Variants in DGKB observed in about 807,000 individuals in gnomAD.
The protein encoded by DGKB is diacylglycerol kinase beta, also known as 90 kDa diacylglycerol kinase.
In DGKB, 67 loss-of-function variants were observed where a neutral mutation model predicts 114.3. The observed-to-expected ratio is 0.59, with a 90% CI of 0.48 to 0.72. DGKB has a LOEUF of 0.72. DGKB is among the 30% of genes least tolerant of loss of function. The pLI is 0.00. For missense variants in DGKB, 907 were observed against 975.2 expected, an observed-to-expected ratio of 0.93 and a Z score of 0.93; for synonymous variants, 398 against 323.1, an observed-to-expected ratio of 1.23 and a Z score of -2.49.
chr7:14,459,747 C>T (rs778278911), intron 21 of DGKB, among the ~76,000 whole-genome samples: 2 of 152,120 alleles, frequency 1.3e-5, no homozygotes, highest in Non-Finnish European at 2.9e-5. Context: ...ATACGGAGAA[C>T]ACCACAAAGA....
intron 21 of DGKB, among the ~76,000 whole-genome samples, chr7:14,471,945 G>C (rs1297915849): frequency 6.6e-6 from 1 of 152,100 alleles, no homozygotes; most frequent in Non-Finnish European, 1.5e-5. Flanking sequence ...TGACCAGGGG[G>C]CTGAGAACCT....
At chr7:14,674,839 C>T (rs1819579514) in intron 12 of DGKB, among the ~76,000 whole-genome samples, 1 of 152,066 alleles carries the variant, frequency 6.6e-6, no homozygotes, top group Non-Finnish European at 1.5e-5. Context: ...TTCCAGAAAG[C>T]CTTCAGAGGG....
intron 21 of DGKB, among the ~76,000 whole-genome samples, chr7:14,381,864 A>C (rs561823907): frequency 5.3e-5 from 8 of 152,208 alleles, no homozygotes; most frequent in Non-Finnish European, 1.2e-4. Context: ...GATATTTGCT[A>C]CAGTTTCAGT....
intron 21 of DGKB, among the ~76,000 whole-genome samples, chr7:14,347,139 G>T (rs1048085512): frequency 3.3e-5 from 5 of 152,040 alleles, no homozygotes; most frequent in African/African-American, 1.2e-4. Context: ...GTAATGGAGG[G>T]AGTATGCCTG....
intron 20 of DGKB, among the ~76,000 whole-genome samples, chr7:14,544,452 A>G (rs1198015275): frequency 2.0e-5 from 3 of 152,142 alleles, no homozygotes; most frequent in South Asian, 4.1e-4. Flanking sequence ...CAAATAATGA[A>G]AAACCTGTGC....
intron 20 of DGKB, among the ~76,000 whole-genome samples, chr7:14,484,842 T>A (rs1430102941): frequency 1.3e-5 from 2 of 152,120 alleles, no homozygotes; most frequent in East Asian, 3.9e-4. Flanking sequence ...TATCATTATT[T>A]ATACATGATA....
chr7:14,395,340 TTAAAA>T (rs1822051173), intron 21 of DGKB, among the ~76,000 whole-genome samples: 2 of 152,180 alleles, frequency 1.3e-5, no homozygotes, highest in African/African-American at 4.8e-5. Context: ...TTAGAAATAC[TTAAAA>T]TAATCTCTTC....
chr7:14,248,691 AT>A (rs1200615659), intron 23 of DGKB, among the ~76,000 whole-genome samples: 1 of 152,008 alleles, frequency 6.6e-6, no homozygotes, highest in Admixed American at 6.6e-5. Context: ...TTGTGTGTTC[AT>A]TATGTATACT....
chr7:14,629,327 A>G (rs1161036981), intron 14 of DGKB, among the ~76,000 whole-genome samples: 1 of 152,076 alleles, frequency 6.6e-6, no homozygotes, highest in African/African-American at 2.4e-5. Context: ...ATTTAAGTGT[A>G]TGTCCAAGTA....
intron 23 of DGKB, among the ~76,000 whole-genome samples, chr7:14,293,703 T>A (rs1802107157): frequency 6.6e-6 from 1 of 152,160 alleles, no homozygotes; most frequent in Non-Finnish European, 1.5e-5. Context: ...CTAGGTGATA[T>A]CCTCTAGGCA....
intron 7 of DGKB, among the ~76,000 whole-genome samples, chr7:14,699,446 TCG>T (rs1221032768): frequency 6.6e-6 from 1 of 152,216 alleles, no homozygotes; most frequent in Non-Finnish European, 1.5e-5. Context: ...CTCAGTTTTC[TCG>T]TTGGTAAAAT....
intron 21 of DGKB, among the ~76,000 whole-genome samples, chr7:14,424,164 C>A (rs1827151280): frequency 1.3e-5 from 2 of 152,068 alleles, no homozygotes. Context: ...TTCAGTAAAA[C>A]CAAATCATCA....
At chr7:14,944,798 A>T (rs1400132234) in intron 1 of DGKB, among the ~76,000 whole-genome samples, 2 of 130,874 alleles carry the variant, frequency 1.5e-5, no homozygotes, top group Non-Finnish European at 3.1e-5. Context: ...AAATGTCAAT[A>T]ATGCTAAGAC....
intron 2 of DGKB, among the ~76,000 whole-genome samples, chr7:14,799,444 A>G (rs1355154465): frequency 3.3e-5 from 5 of 152,208 alleles, no homozygotes; most frequent in Non-Finnish European, 7.3e-5. Flanking sequence ...ATTAGCAGCT[A>G]CTCTAGATTT....
At chr7:14,939,073 C>G (rs1394988156) in intron 1 of DGKB, among the ~76,000 whole-genome samples, 1 of 151,988 alleles carries the variant, frequency 6.6e-6, no homozygotes, top group East Asian at 1.9e-4. Flanking sequence ...TTTTTCTCTT[C>G]TTAAACTGTT....
chr7:14,871,799 A>C (rs1400109728), intron 1 of DGKB, among the ~76,000 whole-genome samples: 1 of 152,190 alleles, frequency 6.6e-6, no homozygotes, highest in African/African-American at 2.4e-5. Flanking sequence ...ATTGCTATAT[A>C]TGGGGAGGTG....
intron 1 of DGKB, among the ~76,000 whole-genome samples, chr7:14,880,633 G>A (rs1587140193): frequency 6.6e-6 from 1 of 152,272 alleles, no homozygotes; most frequent in Middle Eastern, 3.4e-3. Context: ...AAGACTTTGA[G>A]CAGGGAAGCT....
chr7:14,242,865 TG>T (rs900002754), intron 23 of DGKB, among the ~76,000 whole-genome samples: 12 of 74,206 alleles, frequency 1.6e-4, no homozygotes, highest in Non-Finnish European at 1.8e-4. Flanking sequence ...ATATGAAGGC[TG>T]TTTTTTTTTT....
intron 23 of DGKB, among the ~76,000 whole-genome samples, chr7:14,235,806 G>A (rs567133154): frequency 2.8e-4 from 43 of 152,058 alleles, no homozygotes; most frequent in Admixed American, 2.6e-4. Flanking sequence ...TTGATGTTTA[G>A]CTCCTTGAAA....
Sources: allele counts gnomAD v4.1 joint callset (sites outside exome capture counted in the v4.1 genomes callset), GRCh38; gene constraint gnomAD v4.1.1; transcripts MANE v1.5; gene names NCBI Gene and HGNC (gene_info 2026-07-23, HGNC 2026-07-21).